Variants in ZNF529 observed in about 807,000 individuals in gnomAD.
The protein encoded by ZNF529 is zinc finger protein 529.
In ZNF529, 11 loss-of-function variants were observed where a neutral mutation model predicts 10.1. The observed-to-expected ratio is 1.09, with a 90% confidence interval of 0.69 to 1.81. The LOEUF is 1.81. ZNF529 is among the 40% of genes most tolerant of loss of function. The probability of loss-of-function intolerance (pLI) is 0.00; values close to 1 mark genes in which losing one functional copy is unlikely to be tolerated. For missense variants in ZNF529, 624 were observed against 666.8 expected (o/e 0.94, Z 0.71); for synonymous variants, 204 against 215.7 (o/e 0.95, Z 0.47).
chr19:36,596,154 C>T (rs2036837112), intron 1 of ZNF529, among the ~76,000 whole-genome samples: 1 of 149,706 alleles, frequency 6.7e-6, no homozygotes, highest in African/African-American at 2.5e-5. Context: ...CAACCTCTGC[C>T]TCCTGGGTTC....
chr19:36,589,312 T>A (rs1426491521), intron 2 of ZNF529, among the ~76,000 whole-genome samples: 1 of 152,146 alleles, frequency 6.6e-6, no homozygotes, highest in Non-Finnish European at 1.5e-5. Context: ...GACTGAGCCC[T>A]CAACCTGAGG....
rs2036568413 is a variant in ZNF529 at position 36,585,840 on chromosome 19, C to CT, written c.-41+3774dup. On this transcript the variant is annotated intron_variant, in intron 2 of 4. Coordinates refer to the ZNF529 transcript ENST00000585960. ...GGACTGGATGTGATGGTTAACGATACTTAACATCACCACACAGCTCATTCC... is the reference window on the plus strand; with the variant it reads ...GGACTGGATGTGATGGTTAACGATACTTTAACATCACCACACAGCTCATTCC... Among the ~76,000 whole-genome samples the CT allele has an allele frequency of 2.0e-5, 3 of 152,340 alleles. No individual in the cohort carries two copies. In the East Asian group the frequency reaches 5.8e-4, roughly 29 times the overall value.
At chr19:36,604,913 G>A (rs1228021543) in intron 1 of ZNF529, 1 of 36,736 alleles carries the variant, frequency 2.7e-5, no homozygotes, top group Non-Finnish European at 5.6e-5. Context: ...CCGCCCCCCC[G>A]GGACCATCAC....
Position 36,566,120 on chromosome 19 carries a change from G to T in ZNF529, c.14+6213C>A, listed in dbSNP as rs567061042. ...CACCTAGAAGATAAATTCTGGCCCCGGAATAGCCAGCTTTCATTAATTTTA... is the reference window on the plus strand; with the variant it reads ...CACCTAGAAGATAAATTCTGGCCCCTGAATAGCCAGCTTTCATTAATTTTA... On this transcript the variant is annotated intron_variant, in intron 2 of 4. Coordinates refer to ENST00000591340, the MANE Select transcript of ZNF529 (RefSeq NM_020951.5). Among the ~76,000 whole-genome samples the T allele has an allele frequency of 2.2e-4, 33 of 152,204 alleles. 1 individual carries two copies. The South Asian group carries it at 6.0e-3, about 28-fold the overall frequency.
chr19:36,592,820 C>T (rs997523883), intron 1 of ZNF529, among the ~76,000 whole-genome samples: 1 of 151,926 alleles, frequency 6.6e-6, no homozygotes, highest in Non-Finnish European at 1.5e-5. Context: ...TTTTAAAAAT[C>T]AATTTTATTC....
chr19:36,582,098 T>C (rs773505084), intron 2 of ZNF529: 2 of 152,194 alleles, frequency 1.3e-5, no homozygotes, highest in Non-Finnish European at 2.9e-5. Context: ...CTCCCACTTT[T>C]AGGCTATTAA....
At chr19:36,586,619 A>G (rs1005917590) in intron 2 of ZNF529, among the ~76,000 whole-genome samples, 21 of 143,788 alleles carry the variant, frequency 1.5e-4, no homozygotes, top group Non-Finnish European at 3.0e-4. Context: ...TCAAAAAAAG[A>G]AAAAAAAAAA....
intron 2 of ZNF529, among the ~76,000 whole-genome samples, chr19:36,558,371 G>A (rs866546185): frequency 6.6e-6 from 1 of 151,978 alleles, no homozygotes; most frequent in Non-Finnish European, 1.5e-5. Flanking sequence ...AAACATAGAT[G>A]CATCATTATA....
intron 1 of ZNF529, among the ~76,000 whole-genome samples, chr19:36,572,623 G>GTTC (rs2036168087): frequency 2.0e-5 from 3 of 152,120 alleles, no homozygotes; most frequent in Non-Finnish European, 4.4e-5. Flanking sequence ...TGTATAAATG[G>GTTC]CCTCCAAACT....
At chr19:36,554,595 T>C (rs2035390822) in intron 4 of ZNF529, 75 bp downstream of exon 4, 2 of 1,276,538 alleles carry the variant, frequency 1.6e-6, no homozygotes, top group Admixed American at 5.9e-5. Context: ...AAACAAAACA[T>C]AGCCTTGAGT....
intron 2 of ZNF529, among the ~76,000 whole-genome samples, chr19:36,568,285 G>C (rs1207850566): frequency 2.0e-5 from 3 of 152,122 alleles, no homozygotes; most frequent in Non-Finnish European, 2.9e-5. Flanking sequence ...CAAAATGGTA[G>C]TGAATTTGTT....
intron 1 of ZNF529, among the ~76,000 whole-genome samples, chr19:36,591,151 T>G (rs1279483117): frequency 6.7e-6 from 1 of 148,820 alleles, no homozygotes; most frequent in African/African-American, 2.5e-5. Context: ...ATACAAAAAT[T>G]AGTTGGGCAT....
At chr19:36,555,557 A>G in intron 3 of ZNF529, among the ~76,000 whole-genome samples, 1 of 148,308 alleles carries the variant, frequency 6.7e-6, no homozygotes, top group Non-Finnish European at 1.5e-5. Flanking sequence ...CGGCCTCCCA[A>G]AGTGCTGGGA....
At chr19:36,594,037 C>G (rs1043059923) in intron 1 of ZNF529, 1 of 152,222 alleles carries the variant, frequency 6.6e-6, no homozygotes, top group Non-Finnish European at 1.5e-5. Context: ...AGGGTCCAGA[C>G]AGCAAGTTTC....
chr19:36,584,531 C>T (rs1361867104), intron 2 of ZNF529, among the ~76,000 whole-genome samples: 1 of 152,074 alleles, frequency 6.6e-6, no homozygotes, highest in African/African-American at 2.4e-5. Flanking sequence ...CTTTGGGAGG[C>T]CAAGATGGGC....
intron 2 of ZNF529, among the ~76,000 whole-genome samples, chr19:36,585,299 G>A (rs2036556733): frequency 6.6e-6 from 1 of 152,198 alleles, no homozygotes; most frequent in Non-Finnish European, 1.5e-5. Context: ...TGTGACGTTT[G>A]ATAGAGAAAT....
intron 1 of ZNF529, among the ~76,000 whole-genome samples, chr19:36,603,908 G>A (rs531392648): frequency 4.6e-5 from 7 of 152,276 alleles, no homozygotes; most frequent in African/African-American, 1.7e-4. Context: ...GGCTAGGCAC[G>A]GTGGCTCACG....
At chr19:36,562,582 T>C (rs978480584) in intron 2 of ZNF529, among the ~76,000 whole-genome samples, 2 of 152,004 alleles carry the variant, frequency 1.3e-5, no homozygotes, top group African/African-American at 4.8e-5. Context: ...ATGCCTGTAA[T>C]CCTAGCACTT....
rs780062358 is a variant in ZNF529 at position 36,547,055 on chromosome 19, A to G, written c.1503T>C (p.Thr501=). The G allele has an allele frequency of 6.2e-7, 1 of 1,614,072 alleles. No individual in the cohort carries two copies. The highest frequency in any genetic ancestry group is 8.5e-7 in the Non-Finnish European group (1 of 1,179,960). The change falls in exon 5 of 5, where the codon ACT becomes ACC. Residue 501 remains threonine, a synonymous_variant. Coordinates refer to ENST00000591340, the MANE Select transcript of ZNF529 (RefSeq NM_020951.5). ...SALTEHQRIH[T]GEKPYECKAC... Reference sequence around the variant, plus strand: ...CCTTGCATTCATAGGGTTTTTCTCCAGTATGAATTCTCTGATGTTCTGTAA... The same window carrying G: ...CCTTGCATTCATAGGGTTTTTCTCCGGTATGAATTCTCTGATGTTCTGTAA...
Sources: gnomAD v4.1 joint callset for allele counts (sites outside exome capture counted in the v4.1 genomes callset) on GRCh38, gnomAD v4.1.1 for gene constraint, MANE v1.5 for transcripts, NCBI Gene and HGNC (gene_info 2026-07-23, HGNC 2026-07-21) for gene names.